The following CTNNA2 variants were observed in gnomAD, a reference collection of about 807,000 sequenced individuals.
The protein encoded by CTNNA2 is catenin alpha 2.
Under a neutral mutation model 101.0 loss-of-function variants are expected in CTNNA2, and 42 were observed. The ratio of observed to expected loss-of-function variants is 0.42; its 90% confidence interval spans 0.32 to 0.54. CTNNA2 has a LOEUF of 0.54. CTNNA2 is among the 20% of genes least tolerant of loss of function. The pLI, the probability that CTNNA2 is intolerant of heterozygous loss-of-function variation, is 0.14. For missense variants in CTNNA2, 871 were observed against 1,223.1 expected (o/e 0.71, Z 4.29); for synonymous variants, 450 against 456.4 (o/e 0.99, Z 0.18).
At chr2:80,213,580 A>T (rs1224032458) in intron 7 of CTNNA2, among the ~76,000 whole-genome samples, 1 of 152,142 alleles carries the variant, frequency 6.6e-6, no homozygotes, top group Admixed American at 6.5e-5. Flanking sequence ...TCTGAGAGAC[A>T]GTTTGTTATA....
At chr2:79,822,143 T>C (rs1234529923) in intron 3 of CTNNA2, among the ~76,000 whole-genome samples, 1 of 152,118 alleles carries the variant, frequency 6.6e-6, no homozygotes, top group Non-Finnish European at 1.5e-5. Context: ...CTAATGAGAA[T>C]TCTTTTGTCA....
chr2:80,330,251 C>T (rs2149261410), intron 7 of CTNNA2, among the ~76,000 whole-genome samples: 1 of 152,334 alleles, frequency 6.6e-6, no homozygotes, highest in East Asian at 1.9e-4. Context: ...TCCTAATAAT[C>T]CTTTAAAGTG....
intron 2 of CTNNA2, chr2:79,687,731 G>A (rs576817008): frequency 6.5e-6 from 3 of 458,152 alleles, no homozygotes; most frequent in Non-Finnish European, 7.8e-6. Flanking sequence ...TGTGACTTTT[G>A]GAAAAAATAA....
intron 7 of CTNNA2, chr2:80,299,302 G>T (rs1396063534): frequency 6.6e-6 from 1 of 152,132 alleles, no homozygotes; most frequent in Non-Finnish European, 1.5e-5. Flanking sequence ...AGAAAGAAAA[G>T]ATTTCAAGTG....
chr2:80,339,462 A>G (rs1453193253), intron 7 of CTNNA2, among the ~76,000 whole-genome samples: 4 of 152,174 alleles, frequency 2.6e-5, no homozygotes, highest in Non-Finnish European at 5.9e-5. Flanking sequence ...AAAATAGAAT[A>G]CCATAACCCA....
intron 3 of CTNNA2, among the ~76,000 whole-genome samples, chr2:79,801,647 C>T (rs1317059375): frequency 6.6e-6 from 1 of 152,120 alleles, no homozygotes; most frequent in Non-Finnish European, 1.5e-5. Context: ...TAGAGTGGAT[C>T]CACTTAGCAG....
At chr2:79,475,652 A>T (rs1671042642) in intron 4 of CTNNA2, among the ~76,000 whole-genome samples, 1 of 150,122 alleles carries the variant, frequency 6.7e-6, no homozygotes, top group South Asian at 2.1e-4. Flanking sequence ...CTGATTTTCA[A>T]TATAGCTTAT....
At chr2:80,361,942 A>G (rs1474011320) in intron 7 of CTNNA2, among the ~76,000 whole-genome samples, 1 of 152,126 alleles carries the variant, frequency 6.6e-6, no homozygotes, top group Non-Finnish European at 1.5e-5. Flanking sequence ...CATCCCATAC[A>G]TGTTCTTAAG....
intron 7 of CTNNA2, among the ~76,000 whole-genome samples, chr2:80,353,521 T>C (rs927064740): frequency 9.2e-5 from 14 of 152,170 alleles, no homozygotes; most frequent in African/African-American, 3.4e-4. Context: ...AAAAAATGTA[T>C]ATAACACAAA....
At chr2:79,572,986 A>G (rs1372886036) in intron 1 of CTNNA2, among the ~76,000 whole-genome samples, 1 of 152,158 alleles carries the variant, frequency 6.6e-6, no homozygotes, top group Non-Finnish European at 1.5e-5. Flanking sequence ...TAATTATATG[A>G]TAATTAAATA....
chr2:79,252,817 G>GTT (rs5832372), intron 2 of CTNNA2, among the ~76,000 whole-genome samples: 2 of 148,302 alleles, frequency 1.3e-5, no homozygotes, highest in Admixed American at 6.8e-5. Flanking sequence ...ATTATCAACT[G>GTT]TTTTTTTTTT....
intron 7 of CTNNA2, among the ~76,000 whole-genome samples, chr2:79,989,931 C>G (rs1363461355): frequency 6.6e-6 from 1 of 152,064 alleles, no homozygotes; most frequent in Non-Finnish European, 1.5e-5. Context: ...TAAATGAAGG[C>G]AAGGAAATTC....
intron 7 of CTNNA2, among the ~76,000 whole-genome samples, chr2:80,343,031 T>C (rs2149281830): frequency 6.6e-6 from 1 of 152,334 alleles, no homozygotes; most frequent in East Asian, 1.9e-4. Flanking sequence ...TTTCTATGTG[T>C]GTCTGTCTCT....
chr2:80,129,529 G>T (rs1702304695), intron 7 of CTNNA2, among the ~76,000 whole-genome samples: 1 of 152,126 alleles, frequency 6.6e-6, no homozygotes, highest in Non-Finnish European at 1.5e-5. Context: ...AGGTGGCTTT[G>T]CTGTATGGCC....
At chr2:79,662,213 A>G (rs1682085234) in intron 2 of CTNNA2, among the ~76,000 whole-genome samples, 2 of 152,086 alleles carry the variant, frequency 1.3e-5, no homozygotes, top group African/African-American at 4.8e-5. Context: ...TGAATATATT[A>G]AACTAAAACC....
intron 7 of CTNNA2, among the ~76,000 whole-genome samples, chr2:79,999,821 G>T (rs1452070196): frequency 6.6e-6 from 1 of 152,166 alleles, no homozygotes; most frequent in Non-Finnish European, 1.5e-5. Context: ...ATTAGCATCT[G>T]CAATTTCTCA....
intron 9 of CTNNA2, among the ~76,000 whole-genome samples, chr2:80,434,326 A>G (rs565355708): frequency 6.6e-6 from 1 of 152,314 alleles, no homozygotes; most frequent in South Asian, 2.1e-4. Context: ...AAAAACATGT[A>G]TAATTTTGCA....
At chr2:80,536,079 TATTG>T (rs1476955464) in intron 9 of CTNNA2, among the ~76,000 whole-genome samples, 1 of 152,148 alleles carries the variant, frequency 6.6e-6, no homozygotes, top group Non-Finnish European at 1.5e-5. Flanking sequence ...TTTCCACTGT[TATTG>T]AATTGTGAAA....
At chr2:79,830,162 C>G (rs1013247005) in intron 3 of CTNNA2, among the ~76,000 whole-genome samples, 2 of 150,132 alleles carry the variant, frequency 1.3e-5, no homozygotes, top group African/African-American at 4.9e-5. Flanking sequence ...TCAAGTTATC[C>G]TACAAGAGTA....
Sources: allele counts gnomAD v4.1 joint callset (sites outside exome capture counted in the v4.1 genomes callset), GRCh38; gene constraint gnomAD v4.1.1; transcripts MANE v1.5; gene names NCBI Gene and HGNC (gene_info 2026-07-23, HGNC 2026-07-21).